Variants in CKAP5 observed in about 807,000 individuals in gnomAD.
CKAP5 encodes the protein cytoskeleton associated protein 5.
CKAP5 carries 27 observed loss-of-function variants against 232.8 expected under a neutral mutation model. The ratio of observed to expected loss-of-function variants is 0.12; its 90% confidence interval spans 0.09 to 0.16. The LOEUF is 0.16. Among genes scored for constraint, CKAP5 ranks in the 10% least tolerant of loss-of-function variants. The pLI is 1.00. For synonymous variants in CKAP5, 785 were observed against 841.1 expected (o/e 0.93, Z 1.16); for missense variants, 1,838 against 2,424.7 (o/e 0.76, Z 5.08).
chr11:46,784,815 T>C (rs2065376830), intron 16 of CKAP5, 142 bp from the exon 17 acceptor site: 1 of 553,096 alleles, frequency 1.8e-6, no homozygotes, highest in Non-Finnish European at 3.1e-6. Flanking sequence ...TTTAAACAAA[T>C]ATGCAAAATA....
chr11:46,831,949 C>T (rs1483297988), intron 1 of CKAP5, among the ~76,000 whole-genome samples: 1 of 148,200 alleles, frequency 6.7e-6, no homozygotes, highest in Admixed American at 6.8e-5. Context: ...ACTGCAGCCT[C>T]GACTTCCGGG....
intron 33 of CKAP5, 108 bp downstream of exon 33, chr11:46,760,504 T>C (rs1251814825): frequency 2.0e-6 from 2 of 1,011,746 alleles, no homozygotes; most frequent in South Asian, 1.5e-5. Context: ...CACTCTGTCA[T>C]GCATGATAAT....
chr11:46,845,079 G>A (rs1337349490), intron 1 of CKAP5, among the ~76,000 whole-genome samples: 1 of 152,180 alleles, frequency 6.6e-6, no homozygotes, highest in African/African-American at 2.4e-5. Flanking sequence ...AGTTTGTCCA[G>A]TCACTTCAGA....
intron 17 of CKAP5, among the ~76,000 whole-genome samples, 195 bp from the exon 18 acceptor site, chr11:46,783,563 T>C (rs898774493): frequency 1.3e-5 from 2 of 151,638 alleles, no homozygotes; most frequent in African/African-American, 2.4e-5. Context: ...TCTGGACTAT[T>C]TATAGCTTTG....
chr11:46,750,633 G>C, intron 40 of CKAP5, 22 bp from the exon 41 acceptor site: 1 of 1,585,146 alleles, frequency 6.3e-7, no homozygotes, highest in South Asian at 1.1e-5. Flanking sequence ...AAAGACATAG[G>C]AAGAATTGGT....
chr11:46,845,062 G>A (rs908534274), intron 1 of CKAP5, among the ~76,000 whole-genome samples: 10 of 152,290 alleles, frequency 6.6e-5, no homozygotes, highest in African/African-American at 2.4e-4. Context: ...TTTGGTAAAA[G>A]CATTACAGTT....
intron 20 of CKAP5, among the ~76,000 whole-genome samples, chr11:46,779,981 G>C (rs554323606): frequency 1.1e-4 from 16 of 152,204 alleles, no homozygotes; most frequent in Admixed American, 5.9e-4. Flanking sequence ...GGTGGTCTCA[G>C]CTCCTGGGAG....
chr11:46,784,920 G>T (rs756527935), intron 16 of CKAP5, among the ~76,000 whole-genome samples: 7 of 152,114 alleles, frequency 4.6e-5, no homozygotes, highest in Non-Finnish European at 7.4e-5. Context: ...AAGTAATATT[G>T]CACAGAAAGT....
intron 7 of CKAP5, among the ~76,000 whole-genome samples, chr11:46,808,629 A>C (rs1482973278): frequency 1.3e-5 from 2 of 152,238 alleles, no homozygotes; most frequent in Non-Finnish European, 2.9e-5. Context: ...CATATATAAA[A>C]AGTATTTTCA....
At chr11:46,821,823 G>C (rs541154889) in intron 1 of CKAP5, among the ~76,000 whole-genome samples, 127 of 152,142 alleles carry the variant, frequency 8.3e-4, no homozygotes, top group Middle Eastern at 3.4e-3. Flanking sequence ...CAGATCACCT[G>C]AGATCAGGAG....
At chr11:46,774,153 T>A (rs1565728530) in intron 24 of CKAP5, among the ~76,000 whole-genome samples, 1 of 152,184 alleles carries the variant, frequency 6.6e-6, no homozygotes, top group African/African-American at 2.4e-5. Context: ...CTCCTTAAAC[T>A]GATAAGCAAC....
At chr11:46,801,116 AGTT>A (rs1939021765) in intron 9 of CKAP5, 81 bp downstream of exon 9, 25 of 857,738 alleles carry the variant, frequency 2.9e-5, no homozygotes, top group Non-Finnish European at 4.8e-5. Context: ...TATGCCAAGG[AGTT>A]GTTTTAAAGC....
At chr11:46,752,313 A>T (rs888636391) in intron 38 of CKAP5, among the ~76,000 whole-genome samples, 50 of 147,960 alleles carry the variant, frequency 3.4e-4, no homozygotes, top group African/African-American at 1.2e-3. Context: ...CATATATATA[A>T]AAAACCATAT....
At chr11:46,830,074 A>G (rs190288640) in intron 1 of CKAP5, among the ~76,000 whole-genome samples, 3 of 152,084 alleles carry the variant, frequency 2.0e-5, no homozygotes, top group East Asian at 1.9e-4. Flanking sequence ...GCAATCACAT[A>G]TATCATTATG....
chr11:46,782,038 TG>T (rs2134625803), intron 18 of CKAP5, among the ~76,000 whole-genome samples: 1 of 152,220 alleles, frequency 6.6e-6, no homozygotes, highest in East Asian at 1.9e-4. Flanking sequence ...TTGGTCAGGC[TG>T]GTCTCGAACT....
At chr11:46,758,743 T>C (rs1297599587) in intron 35 of CKAP5, 180 bp downstream of exon 35, 7 of 595,368 alleles carry the variant, frequency 1.2e-5, no homozygotes, top group African/African-American at 1.9e-5. Context: ...AAGGCTCTAT[T>C]AGAGTCACAT....
At chr11:46,751,028 C>T (rs751369860) in intron 40 of CKAP5, 90 bp downstream of exon 40, 87 of 1,503,580 alleles carry the variant, frequency 5.8e-5, no homozygotes, top group South Asian at 1.6e-4. Context: ...CTTGGACCTT[C>T]GGAAAGCATA....
intron 13 of CKAP5, among the ~76,000 whole-genome samples, chr11:46,794,588 A>G (rs1301760341): frequency 6.6e-6 from 1 of 152,248 alleles, no homozygotes; most frequent in East Asian, 1.9e-4. Flanking sequence ...CTGTAACCTC[A>G]GCACTTTGGG....
In CKAP5 at chr11:46,770,076, A is replaced by G. The variant is rs1270920346; in HGVS notation, c.3209T>C (p.Leu1070Ser). The stretch of plus-strand genomic sequence containing the variant: ...AACTTTGGCTTTCTCTAGCATGGCC[A>G]ATACCTGATCTTTAGAAGTTGGCTA... The part of the protein sequence containing the change: ...KLKPTSKDQV[L>S]AMLEKAKVNM... The change falls in exon 26 of 44, where the codon TTG becomes TCG. Residue 1070 changes from leucine to serine, a missense_variant. Physicochemically the swap from Leu to Ser is moderately radical, Grantham distance 145 (BLOSUM62 -2). Around this residue, in one of 6 missense-constraint regions of CKAP5, gnomAD observed 767 missense variants for 954.6 expected, o/e 0.80. Transcript: ENST00000529230. The G allele has an allele frequency of 2.5e-6, 4 of 1,614,144 alleles. No homozygotes were observed. Among genetic ancestry groups the G allele is most frequent in the Non-Finnish European group, 3.4e-6 (4 of 1,179,984 alleles).
Sources: gnomAD v4.1 joint callset for allele counts (sites outside exome capture counted in the v4.1 genomes callset) on GRCh38, gnomAD v4.1.1 for gene constraint, gnomAD v4.1.1 regional missense constraint, MANE v1.5 for transcripts, NCBI Gene and HGNC (gene_info 2026-07-23, HGNC 2026-07-21) for gene names.